The following LRRTM3 variants were observed in gnomAD, a reference collection of about 807,000 sequenced individuals.
The protein encoded by LRRTM3 is leucine-rich repeat transmembrane neuronal protein 3.
Under a neutral mutation model 44.7 loss-of-function variants are expected in LRRTM3, and 24 were observed. That is an observed-to-expected ratio of 0.54 (90% CI 0.39 to 0.76). LRRTM3 has a LOEUF of 0.76. Ranked by LOEUF, LRRTM3 falls within the 30% of genes least tolerant of loss-of-function variation. The pLI, the probability that LRRTM3 is intolerant of heterozygous loss-of-function variation, is 0.00. For missense variants in LRRTM3, 587 were observed against 702.2 expected (o/e 0.84, Z 1.85); for synonymous variants, 277 against 278.7 (o/e 0.99, Z 0.06).
At chr10:67,045,983 T>TG (rs566743379) in intron 2 of LRRTM3, among the ~76,000 whole-genome samples, 6 of 152,322 alleles carry the variant, frequency 3.9e-5, no homozygotes, top group African/African-American at 1.4e-4. Context: ...ACATCATGTT[T>TG]GATCCATTGA....
intron 2 of LRRTM3, among the ~76,000 whole-genome samples, chr10:67,052,089 A>T (rs574080754): frequency 6.6e-6 from 1 of 152,146 alleles, no homozygotes; most frequent in South Asian, 2.1e-4. Flanking sequence ...TTTTGTTTGG[A>T]GGGGTCGTTG....
chr10:66,963,393 T>A (rs1020471253), intron 2 of LRRTM3, among the ~76,000 whole-genome samples: 4 of 152,176 alleles, frequency 2.6e-5, no homozygotes. Flanking sequence ...GATTAATGCA[T>A]CTTAAATGAA....
At chr10:66,967,343 T>C (rs57904273) in intron 2 of LRRTM3, among the ~76,000 whole-genome samples, 1 of 150,838 alleles carries the variant, frequency 6.6e-6, no homozygotes, top group South Asian at 2.1e-4. Context: ...CATATATATA[T>C]ATAGATAGAT....
At chr10:67,060,146 T>A (rs1259009530) in intron 2 of LRRTM3, among the ~76,000 whole-genome samples, 1 of 151,944 alleles carries the variant, frequency 6.6e-6, no homozygotes, top group African/African-American at 2.4e-5. Context: ...CGAAACCCCA[T>A]CTCCACAAAA....
rs76366178 is a variant in LRRTM3, at chr10:66,956,217, C to T, written c.1536+27765C>T. 1.4e-3 allele frequency among the ~76,000 whole-genome samples: 208 copies of T among 149,806 alleles called. 1 individual carries two copies. The highest frequency in any genetic ancestry group is 4.7e-3 in the African/African-American group (189 of 40,600). ...AATTAACACAAAGGTGATGGATAGGCCAGTGGCTGTCTTGTGCAAATCTAG... is the reference window on the plus strand; with the variant it reads ...AATTAACACAAAGGTGATGGATAGGTCAGTGGCTGTCTTGTGCAAATCTAG... On this transcript the variant is annotated intron_variant, in intron 2 of 2. Transcript: ENST00000361320.
At chr10:67,079,972 T>C (rs1442907706) in intron 2 of LRRTM3, among the ~76,000 whole-genome samples, 1 of 151,234 alleles carries the variant, frequency 6.6e-6, no homozygotes, top group African/African-American at 2.4e-5. Context: ...AATAAAAAAT[T>C]GCTGTAGTTA....
intron 2 of LRRTM3, among the ~76,000 whole-genome samples, chr10:67,013,391 T>A (rs958525412): frequency 6.6e-6 from 1 of 151,904 alleles, no homozygotes; most frequent in Non-Finnish European, 1.5e-5. Flanking sequence ...ACTAAAAAAA[T>A]TAATAATAAC....
intron 2 of LRRTM3, among the ~76,000 whole-genome samples, chr10:66,989,719 G>A (rs1850936404): frequency 6.6e-6 from 1 of 152,196 alleles, no homozygotes; most frequent in South Asian, 2.1e-4. Flanking sequence ...TTTACCTCTA[G>A]ATGGGTTTTT....
rs185685932 is a variant in LRRTM3, at chr10:67,026,886, T to C, written c.1537-70701T>C. On this transcript the variant is annotated intron_variant, in intron 2 of 2. Transcript: ENST00000361320. Reference sequence around the variant, plus strand: ...TTTTCCTCATATATCTCCTTAACTCTGAGAGGTTGTAATTTAAGATCACAT... The same window carrying C: ...TTTTCCTCATATATCTCCTTAACTCCGAGAGGTTGTAATTTAAGATCACAT... Among the ~76,000 whole-genome samples, 377 of 152,312 alleles carry C rather than the reference T, an allele frequency of 2.5e-3. 2 individuals carry two copies. Among genetic ancestry groups the C allele is most frequent in the Non-Finnish European group, 7.4e-4 (50 of 68,020 alleles).
rs1353465989 is a variant in LRRTM3, at chr10:66,927,762, C to T, written c.846C>T (p.Arg282=). 6.2e-7 allele frequency: 1 copy of T among 1,614,172 alleles called. No homozygotes were observed. The highest frequency in any genetic ancestry group is 1.1e-5 in the South Asian group (1 of 91,084). Reference sequence around the variant, plus strand: ...TCCAGTGTGTCCCGAATCTGCAGCGCCTCAACCTGGATTCCAACAAGCTCA... The same window carrying T: ...TCCAGTGTGTCCCGAATCTGCAGCGTCTCAACCTGGATTCCAACAAGCTCA... ...SVFQCVPNLQ[R]LNLDSNKLTF... The change falls in exon 2 of 3, where the codon CGC becomes CGT. Residue 282 remains arginine (R), a synonymous_variant. Coordinates refer to ENST00000361320, the MANE Select transcript of LRRTM3 (RefSeq NM_178011.5). The surrounding 1 kb of genome is among the most constrained non-coding windows in gnomAD (Gnocchi z 4.7).
intron 2 of LRRTM3, among the ~76,000 whole-genome samples, chr10:67,083,125 T>C (rs1857132708): frequency 6.6e-6 from 1 of 152,142 alleles, no homozygotes; most frequent in Admixed American, 6.6e-5. Context: ...CTCAGCCTTT[T>C]AAACTTTGAA....
At chr10:66,935,358 T>C (rs1161664767) in intron 2 of LRRTM3, among the ~76,000 whole-genome samples, 1 of 152,104 alleles carries the variant, frequency 6.6e-6, no homozygotes, top group Non-Finnish European at 1.5e-5. Flanking sequence ...TTTACCATAG[T>C]GAAAACTCTC....
chr10:66,954,373 C>T (rs942360353), intron 2 of LRRTM3, among the ~76,000 whole-genome samples: 5 of 152,202 alleles, frequency 3.3e-5, no homozygotes, highest in African/African-American at 1.2e-4. Context: ...TTTTGCAGGG[C>T]TCCTCAGTGA....
At chr10:67,028,745 G>GA (rs1354723809) in intron 2 of LRRTM3, among the ~76,000 whole-genome samples, 2 of 151,904 alleles carry the variant, frequency 1.3e-5, no homozygotes, top group Non-Finnish European at 2.9e-5. Context: ...GGTCTTCTAG[G>GA]AAAAATGGAA....
intron 2 of LRRTM3, among the ~76,000 whole-genome samples, chr10:67,039,262 C>A (rs1700693490): frequency 6.6e-6 from 1 of 152,046 alleles, no homozygotes; most frequent in African/African-American, 2.4e-5. Flanking sequence ...AGAACTGTAG[C>A]AGCTGTTAGA....
intron 2 of LRRTM3, among the ~76,000 whole-genome samples, chr10:67,051,087 T>G (rs1855061080): frequency 6.6e-6 from 1 of 152,166 alleles, no homozygotes; most frequent in Non-Finnish European, 1.5e-5. Flanking sequence ...AGATACAAAT[T>G]AACCAATAAA....
rs186989189 is a variant in LRRTM3, at chr10:67,049,793, G to A, written c.1537-47794G>A. On this transcript the variant is annotated intron_variant, in intron 2 of 2. Coordinates refer to ENST00000361320, the MANE Select transcript of LRRTM3 (RefSeq NM_178011.5). ...TGTGTAGTAGCACAAATAGAACAAA[G>A]GTCAAAGATTAAATGTAGGTATGTG... Among the ~76,000 whole-genome samples, 493 of 152,018 alleles carry A rather than the reference G, an allele frequency of 3.2e-3. 2 individuals are homozygous for A. Among genetic ancestry groups the A allele is most frequent in the African/African-American group, 0.011 (470 of 41,462 alleles).
chr10:66,954,405 G>A (rs1052612082), intron 2 of LRRTM3, among the ~76,000 whole-genome samples: 9 of 152,040 alleles, frequency 5.9e-5, no homozygotes, highest in African/African-American at 1.2e-4. Context: ...AAATAAAAAC[G>A]CTTAAAATAG....
chr10:67,029,442 G>C (rs980455676), intron 2 of LRRTM3, among the ~76,000 whole-genome samples: 1 of 152,132 alleles, frequency 6.6e-6, no homozygotes, highest in African/African-American at 2.4e-5. Context: ...GCATGGTTGA[G>C]GGTTGGTTTA....
Sources: allele counts gnomAD v4.1 joint callset (sites outside exome capture counted in the v4.1 genomes callset), GRCh38; gene constraint gnomAD v4.1.1; non-coding constraint Gnocchi (gnomAD v3.1); transcripts MANE v1.5; gene names NCBI Gene and HGNC (gene_info 2026-07-23, HGNC 2026-07-21).